The following LIMS1 variants were observed in gnomAD, a reference collection of about 807,000 sequenced individuals.
The protein encoded by LIMS1 is LIM and senescent cell antigen-like-containing domain protein 1.
Under a neutral mutation model 44.1 loss-of-function variants are expected in LIMS1, and 18 were observed. The ratio of observed to expected loss-of-function variants is 0.41; its 90% CI spans 0.28 to 0.61. The LOEUF (loss-of-function observed/expected upper bound fraction) is 0.61, where lower values mean the gene tolerates loss of function less well. LIMS1 is among the 20% of genes least tolerant of loss of function. The probability of loss-of-function intolerance (pLI) is 0.32; values close to 1 mark genes in which losing one functional copy is unlikely to be tolerated. For missense variants in LIMS1, 201 were observed against 422.0 expected (o/e 0.48, Z 4.59); for synonymous variants, 93 against 149.1 (o/e 0.62, Z 2.74).
intron 9 of LIMS1, among the ~76,000 whole-genome samples, chr2:108,681,939 A>G (rs1230247975): frequency 6.6e-6 from 1 of 152,030 alleles, no homozygotes; most frequent in East Asian, 1.9e-4. Context: ...AGCAAAGTCC[A>G]TCTGATTTAC....
chr2:108,534,257 ATG>A (rs1558776269), upstream of LIMS1: 49 of 164,800 alleles, frequency 3.0e-4, no homozygotes, highest in East Asian at 7.6e-3. Flanking sequence ...GCGGGGTCTG[ATG>A]CGCGCCCCGC....
chr2:108,628,441 C>T (rs930192350), intron 1 of LIMS1, among the ~76,000 whole-genome samples: 1 of 152,076 alleles, frequency 6.6e-6, no homozygotes, highest in Non-Finnish European at 1.5e-5. Context: ...TAGGGATTTC[C>T]AGTTAATATT....
At chr2:108,573,561 G>A (rs956061523) in intron 1 of LIMS1, among the ~76,000 whole-genome samples, 1 of 152,160 alleles carries the variant, frequency 6.6e-6, no homozygotes, top group African/African-American at 2.4e-5. Flanking sequence ...TACCTCACTT[G>A]TAATCATGTG....
intron 1 of LIMS1, among the ~76,000 whole-genome samples, chr2:108,612,371 G>A (rs1333911044): frequency 6.6e-6 from 1 of 152,026 alleles, no homozygotes; most frequent in Admixed American, 6.6e-5. Flanking sequence ...ACGCTCTCCT[G>A]AAGTTTGCTG....
At chr2:108,536,729 C>T (rs770070826) in intron 1 of LIMS1, among the ~76,000 whole-genome samples, 3 of 152,148 alleles carry the variant, frequency 2.0e-5, no homozygotes, top group African/African-American at 4.8e-5. Context: ...TACAGACACA[C>T]GCCACCATGC....
chr2:108,541,958 A>G (rs772096178), intron 1 of LIMS1, among the ~76,000 whole-genome samples: 10 of 152,212 alleles, frequency 6.6e-5, no homozygotes, highest in African/African-American at 9.6e-5. Context: ...TATATGTCTA[A>G]GCTTTTCTGC....
intron 9 of LIMS1, among the ~76,000 whole-genome samples, chr2:108,682,245 G>T (rs921512635): frequency 2.0e-5 from 3 of 152,196 alleles, no homozygotes; most frequent in African/African-American, 7.2e-5. Context: ...GGGCATGGTG[G>T]CTCACGCCTG....
chr2:108,544,345 T>C (rs186581920), intron 1 of LIMS1, among the ~76,000 whole-genome samples: 3 of 152,348 alleles, frequency 2.0e-5, no homozygotes, highest in Non-Finnish European at 4.4e-5. Flanking sequence ...CTAAAAATGC[T>C]GATTGCTCAG....
chr2:108,678,308 G>C (rs1232985618), intron 8 of LIMS1: 1 of 547,994 alleles, frequency 1.8e-6, no homozygotes, highest in Non-Finnish European at 3.1e-6. Context: ...ACCTGTTTGT[G>C]TCCAGTTTCA....
chr2:108,587,733 G>A (rs970277769), intron 1 of LIMS1, among the ~76,000 whole-genome samples: 1 of 152,206 alleles, frequency 6.6e-6, no homozygotes, highest in African/African-American at 2.4e-5. Flanking sequence ...TTATTCTCCA[G>A]TGGAAACTTG....
intron 1 of LIMS1, among the ~76,000 whole-genome samples, chr2:108,550,962 A>C (rs568250034): frequency 2.1e-4 from 32 of 152,236 alleles, no homozygotes; most frequent in Non-Finnish European, 1.2e-4. Context: ...CTCTACAAAA[A>C]AAAAATTGTT....
intron 1 of LIMS1, among the ~76,000 whole-genome samples, chr2:108,561,219 C>T (rs1685099346): frequency 6.6e-6 from 1 of 152,222 alleles, no homozygotes; most frequent in Non-Finnish European, 1.5e-5. Flanking sequence ...GAACTAATTT[C>T]CATTCCCACC....
In LIMS1 at chr2:108,580,231, C is replaced by A. The variant is rs191793937; in HGVS notation, c.32+45637C>A. Among the ~76,000 whole-genome samples, 30 of 152,340 alleles carry A rather than the reference C, an allele frequency of 2.0e-4. 1 individual carries two copies. Among genetic ancestry groups the A allele is most frequent in the Admixed American group, 1.7e-3 (26 of 15,308 alleles). ...TGTGGGATGTCTCTATAGAGCAGTG[C>A]TCTGAGTTGACTTCCTCTAACTGCA... On this transcript the variant is annotated intron_variant, in intron 1 of 9. Coordinates refer to ENST00000544547, the Ensembl canonical transcript of LIMS1.
intron 1 of LIMS1, among the ~76,000 whole-genome samples, chr2:108,584,104 C>T (rs1359288775): frequency 6.6e-6 from 1 of 152,120 alleles, no homozygotes; most frequent in Non-Finnish European, 1.5e-5. Context: ...CTGGAGATAA[C>T]CCAGGGTTGT....
rs1334636611 is a variant in LIMS1, at chr2:108,662,126, T to C, written c.192+2362T>C. The C allele has an allele frequency of 2.7e-4, 436 of 1,604,636 alleles. 1 individual carries two copies. Among genetic ancestry groups the C allele is most frequent in the Middle Eastern group, 2.0e-3 (9 of 4,418 alleles). ...CAGAGAAAAAGACAGGCTTTGTTTT[T>C]CCAGACATTTTCCTTATATCCCTGG... On this transcript the variant is annotated intron_variant, in intron 2 of 9. Transcript: ENST00000544547.
intron 1 of LIMS1, among the ~76,000 whole-genome samples, chr2:108,630,562 A>G (rs776293733): frequency 3.3e-5 from 5 of 152,262 alleles, no homozygotes; most frequent in Non-Finnish European, 5.9e-5. Context: ...TGAAATACGT[A>G]TCATGACGAA....
intron 1 of LIMS1, among the ~76,000 whole-genome samples, chr2:108,570,840 G>T (rs553145063): frequency 4.7e-4 from 71 of 152,284 alleles, no homozygotes; most frequent in Non-Finnish European, 8.1e-4. Flanking sequence ...GGAAAGGGAG[G>T]CCAAGACCGC....
At chr2:108,549,507 A>G (rs555252932) in intron 1 of LIMS1, among the ~76,000 whole-genome samples, 6 of 151,886 alleles carry the variant, frequency 4.0e-5, no homozygotes, top group African/African-American at 9.7e-5. Flanking sequence ...GTTGGCCAGG[A>G]TGGTAAGTAC....
intron 9 of LIMS1, chr2:108,681,635 G>A: frequency 1.1e-6 from 1 of 943,976 alleles, no homozygotes; most frequent in Non-Finnish European, 1.3e-6. Context: ...AATTATTTCA[G>A]CATGGCGAGG....
Sources: gnomAD v4.1 joint callset for allele counts (sites outside exome capture counted in the v4.1 genomes callset) on GRCh38, gnomAD v4.1.1 for gene constraint, MANE v1.5 for transcripts, NCBI Gene and HGNC (gene_info 2026-07-23, HGNC 2026-07-21) for gene names.